The following ANKRD24 variants were observed in gnomAD, a reference collection of about 807,000 sequenced individuals.
The protein encoded by ANKRD24 is ankyrin repeat domain-containing protein 24.
In ANKRD24, 109 loss-of-function variants were observed where a neutral mutation model predicts 127.8. The observed-to-expected ratio is 0.85, with a 90% CI of 0.73 to 1.00. The LOEUF is 1.00. ANKRD24 is among the 50% of genes least tolerant of loss of function. The probability of loss-of-function intolerance (pLI) is 0.00; values close to 1 mark genes in which losing one functional copy is unlikely to be tolerated. For synonymous variants in ANKRD24, 743 were observed against 671.1 expected, an observed-to-expected ratio of 1.11 and a Z score of -1.66; for missense variants, 1,648 against 1,570.2, an observed-to-expected ratio of 1.05 and a Z score of -0.84.
Position 4,184,622 on chromosome 19 carries a change from C to T in ANKRD24, c.-36-1768C>T, listed in dbSNP as rs922903220. 4.6e-5 allele frequency among the ~76,000 whole-genome samples: 7 copies of T among 152,186 alleles called. No homozygotes were observed. In the South Asian group the frequency reaches 8.3e-4, roughly 18 times the overall value. ...GGCGTTTCTCCCTCCCCCAAGCCCA[C>T]GGATTGTCTTCTCCCAAGCAGCCTG... On this transcript the variant is annotated intron_variant, in intron 1 of 21. Transcript: ENST00000318934.
chr19:4,194,516 C>T (rs1474743629), intron 2 of ANKRD24, among the ~76,000 whole-genome samples: 1 of 152,162 alleles, frequency 6.6e-6, no homozygotes, highest in Non-Finnish European at 1.5e-5. Flanking sequence ...TTGCTTTTCT[C>T]TCCCCCCTCC....
chr19:4,219,408 A>G (rs1970321296), intron 18 of ANKRD24, among the ~76,000 whole-genome samples, 183 bp from the exon 19 acceptor site: 1 of 152,154 alleles, frequency 6.6e-6, no homozygotes, highest in African/African-American at 2.4e-5. Flanking sequence ...TTGAGGCTAC[A>G]GTGAGCCATG....
rs1354209621 is a variant in ANKRD24, at chr19:4,199,703, C to A, written c.57C>A (p.Asp19Glu). Reference protein sequence around the residue: ...KKTELRLSPTDLGSCPPCGPC... With the variant: ...KKTELRLSPTELGSCPPCGPC... ...TGCAGCTGCGGCTCAGCCCCACTGACCTTGGCTCCTGCCCGCCCTGCGGCC... is the reference window on the plus strand; with the variant it reads ...TGCAGCTGCGGCTCAGCCCCACTGAACTTGGCTCCTGCCCGCCCTGCGGCC... Residue 19 changes from aspartate (D) to glutamate (E), a missense_variant, in exon 3 of 22, where the codon GAC becomes GAA. Coordinates refer to ENST00000318934, the MANE Select transcript of ANKRD24 (RefSeq NM_001393985.1). This position sits in a 1 kb window ranked among gnomAD's most constrained non-coding sequence, Gnocchi z 5.2. 6.5e-7 allele frequency: 1 copy of A among 1,538,344 alleles called. No individual in the cohort carries two copies. The highest frequency in any genetic ancestry group is 8.7e-7 in the Non-Finnish European group (1 of 1,144,870).
At chr19:4,223,390 TATATA>T (rs1300484591) in intron 20 of ANKRD24, among the ~76,000 whole-genome samples, 162 of 87,426 alleles carry the variant, frequency 1.9e-3, no homozygotes, top group African/African-American at 8.9e-3. Context: ...TATATATATA[TATATA>T]TATATATTTT....
chr19:4,224,251 A>G, intron 21 of ANKRD24, 59 bp downstream of exon 21: 1 of 1,525,224 alleles, frequency 6.6e-7, no homozygotes, highest in Non-Finnish European at 9.0e-7. Flanking sequence ...TTGCTCTCTG[A>G]GCCTCAGTTT....
chr19:4,188,042 G>T (rs1218036658), intron 2 of ANKRD24, among the ~76,000 whole-genome samples: 1 of 152,086 alleles, frequency 6.6e-6, no homozygotes, highest in Non-Finnish European at 1.5e-5. Flanking sequence ...CAAAAAGAGA[G>T]GCCTGTGGAA....
Position 4,207,226 on chromosome 19 carries a change from C to T in ANKRD24, c.467-16C>T. ...GGGTTGAGCTACCGCACCGGACAACCTTTTCTCTTTTGCAGCGGCTGGTGG... is the reference window on the plus strand; with the variant it reads ...GGGTTGAGCTACCGCACCGGACAACTTTTTCTCTTTTGCAGCGGCTGGTGG... On this transcript the variant is annotated splice_polypyrimidine_tract_variant and intron_variant, in intron 7 of 21. Transcript: ENST00000318934. 4.3e-6 allele frequency: 7 copies of T among 1,613,220 alleles called. No individual in the cohort carries two copies. The highest frequency in any genetic ancestry group is 1.6e-4 in the Middle Eastern group (1 of 6,062).
Position 4,199,618 on chromosome 19 carries a change from G to C in ANKRD24, c.37-65G>C. 6.8e-7 allele frequency: 1 copy of C among 1,472,578 alleles called. No homozygotes were observed. Among genetic ancestry groups the C allele is most frequent in the South Asian group, 1.3e-5 (1 of 74,500 alleles). The allele number at this position is 1,472,578 out of a possible 1,614,324, so 91.2% of individuals were successfully genotyped here. ...GGTGATGGGCCTGGGGGCAGATGCT[G>C]GGGGTCGCAGGCTTGGGGGACACTG... On this transcript the variant is annotated intron_variant, in intron 2 of 21. Transcript: ENST00000318934. The surrounding 1 kb of genome is among the most constrained non-coding windows in gnomAD (Gnocchi z 5.2).
chr19:4,224,192 G>A lies in ANKRD24; in HGVS notation c.3363G>A (p.Gln1121=). 2 of 1,610,024 alleles carry A rather than the reference G, an allele frequency of 1.2e-6. No individual in the cohort carries two copies. The highest frequency in any genetic ancestry group is 1.7e-6 in the Non-Finnish European group (2 of 1,178,332). Residue 1121 remains glutamine, a splice_region_variant and synonymous_variant, in exon 21 of 22, where the codon CAG becomes CAA. Coordinates refer to ENST00000318934, the MANE Select transcript of ANKRD24 (RefSeq NM_001393985.1). ...GAAGCCACCTCCTATATGCCATTCA[G>A]GTGAGTGGCCCAGCTCCTGGGTACC... ...LYRSHLLYAI[Q]GQMDEDVQRI... is the part of the protein sequence containing the mutation.
chr19:4,182,887 C>G (rs1473989074), intron 1 of ANKRD24, 147 bp downstream of exon 1: 1 of 412,554 alleles, frequency 2.4e-6, no homozygotes, highest in Non-Finnish European at 3.3e-6. Flanking sequence ...TTAGTAAATT[C>G]CGTAAGGACA....
At chr19:4,210,242 G>A in intron 12 of ANKRD24, 23 bp from the exon 13 acceptor site, 1 of 1,566,794 alleles carries the variant, frequency 6.4e-7, no homozygotes. Context: ...CCCATCTAAA[G>A]GCCGTGGTGG....
intron 15 of ANKRD24, 78 bp from the exon 16 acceptor site, chr19:4,215,899 AG>A (rs1198590575): frequency 8.6e-7 from 1 of 1,159,938 alleles, no homozygotes; most frequent in African/African-American, 1.5e-5. Flanking sequence ...TGAACAGCCC[AG>A]TCCCCACTGG....
At position 4,195,209 on chromosome 19, in the gene ANKRD24, A is replaced by T. The variant is rs1286085819; in HGVS notation, c.37-4474A>T. On this transcript the variant is annotated intron_variant, in intron 2 of 21. Coordinates refer to ENST00000318934, the MANE Select transcript of ANKRD24 (RefSeq NM_001393985.1). The surrounding 1 kb of genome is among the most constrained non-coding windows in gnomAD (Gnocchi z 4.2). Reference sequence around the variant, plus strand: ...TGCCTCAGTCTCCCGAGTAGCTGGGACTACAGGCGCCCACCACCACGCCCG... The same window carrying T: ...TGCCTCAGTCTCCCGAGTAGCTGGGTCTACAGGCGCCCACCACCACGCCCG... Among the ~76,000 whole-genome samples the T allele has an allele frequency of 1.3e-5, 2 of 151,888 alleles. No homozygotes were observed. The highest frequency in any genetic ancestry group is 1.3e-4 in the Admixed American group (2 of 15,224).
At chr19:4,182,965 TTGTGTGTG>T (rs57280997) in intron 1 of ANKRD24, among the ~76,000 whole-genome samples, 190 of 138,678 alleles carry the variant, frequency 1.4e-3, no homozygotes, top group Middle Eastern at 3.6e-3. Flanking sequence ...AATATCTCAT[TTGTGTGTG>T]TGTGTGTGTG....
intron 18 of ANKRD24, among the ~76,000 whole-genome samples, chr19:4,218,881 C>T (rs1970290287): frequency 6.6e-6 from 1 of 151,970 alleles, no homozygotes; most frequent in Admixed American, 6.6e-5. Context: ...AATCCTCCCA[C>T]CTCAGCCTCC....
chr19:4,217,619 C>G lies in ANKRD24; in HGVS notation c.2459C>G (p.Ala820Gly). The G allele has an allele frequency of 7.8e-7, 1 of 1,289,340 alleles. No individual in the cohort carries two copies. The highest frequency in any genetic ancestry group is 9.8e-7 in the Non-Finnish European group (1 of 1,022,088). 79.9% of individuals were successfully genotyped at this position (1,289,340 alleles called of 1,614,324 possible). A position where few individuals can be genotyped will look rare whatever the true frequency, so the allele number is the denominator to read the frequency against. ...TCGGCCTGCCTGGATGAGGCTCGGG[C>G]CAGCCGGCTGCTGGCGGAGGAGGAG... ...AASACLDEAR[A>G]SRLLAEEEAR... The change falls in exon 18 of 22, where the codon GCC becomes GGC. Residue 820 changes from alanine (A) to glycine (G), a missense_variant. Physicochemically the swap from Ala to Gly is moderately conservative, Grantham distance 60 (BLOSUM62 0). Transcript: ENST00000318934.
intron 2 of ANKRD24, among the ~76,000 whole-genome samples, chr19:4,193,846 A>AGGGAGGGAGGGAGAGAG: frequency 1.9e-5 from 1 of 51,646 alleles, no homozygotes; most frequent in Non-Finnish European, 3.1e-5. Flanking sequence ...GGAGGGAGGG[A>AGGGAGGGAGGGAGAGAG]GGAAGGAAGG....
chr19:4,220,282 C>T (rs895727522), intron 19 of ANKRD24, among the ~76,000 whole-genome samples: 2 of 152,032 alleles, frequency 1.3e-5, no homozygotes, highest in Admixed American at 6.6e-5. Flanking sequence ...TCCACAGTTA[C>T]ATTTATTGAG....
chr19:4,207,105 T>TTTA, intron 7 of ANKRD24, 137 bp from the exon 8 acceptor site: 2 of 457,542 alleles, frequency 4.4e-6, no homozygotes, highest in Non-Finnish European at 3.7e-6. Context: ...TTTTTTTTTG[T>TTTA]AGAGACAGGG....
Sources: allele counts gnomAD v4.1 joint callset (sites outside exome capture counted in the v4.1 genomes callset), GRCh38; gene constraint gnomAD v4.1.1; non-coding constraint Gnocchi (gnomAD v3.1); transcripts MANE v1.5; gene names NCBI Gene and HGNC (gene_info 2026-07-23, HGNC 2026-07-21).